EPHA6: variants seen among roughly 807,000 people sequenced by gnomAD.
EPHA6 encodes ephrin type-A receptor 6.
In EPHA6, 50 loss-of-function variants were observed where a neutral mutation model predicts 112.0. The ratio of observed to expected loss-of-function variants is 0.45; its 90% CI spans 0.36 to 0.56. The LOEUF is 0.56. EPHA6 is among the 20% of genes least tolerant of loss of function. The pLI, the probability that EPHA6 is intolerant of heterozygous loss-of-function variation, is 0.00. For missense variants in EPHA6, 1,280 were observed against 1,417.4 expected (o/e 0.90, Z 1.56); for synonymous variants, 529 against 490.7 (o/e 1.08, Z -1.03).
intron 5 of EPHA6, among the ~76,000 whole-genome samples, chr3:97,403,037 A>T (rs1357456279): frequency 6.6e-6 from 1 of 152,106 alleles, no homozygotes; most frequent in African/African-American, 2.4e-5. Context: ...TAATGAGTTT[A>T]TAATGTAACT....
intron 14 of EPHA6, among the ~76,000 whole-genome samples, chr3:97,718,387 G>T (rs1276318148): frequency 2.0e-5 from 3 of 151,890 alleles, no homozygotes; most frequent in African/African-American, 7.3e-5. Context: ...TTTGGATTAG[G>T]GTAGATAGAT....
chr3:97,096,252 CACACATACACACACAT>C, intron 3 of EPHA6, among the ~76,000 whole-genome samples: 1 of 146,192 alleles, frequency 6.8e-6, no homozygotes, highest in South Asian at 2.1e-4. Context: ...TATACACACA[CACACATACACACACAT>C]ACACACCCAC....
At chr3:97,583,890 G>A (rs2093464507) in intron 11 of EPHA6, among the ~76,000 whole-genome samples, 2 of 152,116 alleles carry the variant, frequency 1.3e-5, no homozygotes, top group South Asian at 2.1e-4. Flanking sequence ...TAGCCTGTAC[G>A]GTGGCTAATT....
intron 10 of EPHA6, among the ~76,000 whole-genome samples, chr3:97,491,244 A>G (rs1356368839): frequency 6.6e-6 from 1 of 152,218 alleles, no homozygotes; most frequent in Non-Finnish European, 1.5e-5. Context: ...AAGTTTGCCT[A>G]CTACAAATAG....
chr3:96,973,759 G>A (rs1345245297), intron 2 of EPHA6, among the ~76,000 whole-genome samples: 1 of 149,330 alleles, frequency 6.7e-6, no homozygotes, highest in Non-Finnish European at 1.5e-5. Flanking sequence ...CCGGGCGTGG[G>A]GGCTGCAGTG....
At chr3:97,418,930 G>T (rs1035455091) in intron 6 of EPHA6, among the ~76,000 whole-genome samples, 1 of 152,224 alleles carries the variant, frequency 6.6e-6, no homozygotes, top group South Asian at 2.1e-4. Context: ...GTATATGCAG[G>T]TAATAAATGA....
At chr3:96,842,856 A>G (rs748620554) in intron 1 of EPHA6, among the ~76,000 whole-genome samples, 4 of 152,018 alleles carry the variant, frequency 2.6e-5, no homozygotes, top group Non-Finnish European at 5.9e-5. Flanking sequence ...GATAGAAGGT[A>G]TTTTGGTTTG....
At chr3:96,890,297 C>T (rs985249208) in intron 2 of EPHA6, among the ~76,000 whole-genome samples, 6 of 152,038 alleles carry the variant, frequency 3.9e-5, no homozygotes, top group African/African-American at 1.4e-4. Context: ...ATTTAAAGAA[C>T]TCCCACAAAC....
intron 3 of EPHA6, among the ~76,000 whole-genome samples, chr3:97,033,039 C>T (rs1392698792): frequency 6.6e-6 from 1 of 151,100 alleles, no homozygotes; most frequent in Non-Finnish European, 1.5e-5. Flanking sequence ...CAATATGAAA[C>T]CTTCCCAAAT....
chr3:96,921,860 G>A (rs746767879), intron 2 of EPHA6, among the ~76,000 whole-genome samples: 6 of 151,998 alleles, frequency 3.9e-5, no homozygotes, highest in Admixed American at 1.3e-4. Flanking sequence ...GAGCCACTGC[G>A]CCCAGCCTAA....
intron 5 of EPHA6, among the ~76,000 whole-genome samples, chr3:97,391,685 A>G (rs1373048558): frequency 6.6e-6 from 1 of 151,940 alleles, no homozygotes; most frequent in Admixed American, 6.6e-5. Context: ...TAGAGAGTAA[A>G]TGTTCTAGGA....
In EPHA6 at chr3:97,307,609, C is replaced by CT. The variant is rs2081373034; in HGVS notation, c.1606+63322_1606+63323insT. Among the ~76,000 whole-genome samples the CT allele has an allele frequency of 1.4e-4, 20 of 142,374 alleles. No individual in the cohort carries two copies. The Admixed American group carries it at 1.5e-3, about 10-fold the overall frequency. 93.4% of individuals were successfully genotyped at this position (142,374 alleles called of 152,430 possible). ...CTAGTTTTGTCTTTACATTTTGTTG[C>CT]CTTTTTTTTTTTCTTTAAAGGTGAT... is the stretch of plus-strand genomic sequence containing the variant. On this transcript the variant is annotated intron_variant, in intron 5 of 17. Coordinates refer to ENST00000389672, the MANE Select transcript of EPHA6 (RefSeq NM_001080448.3).
chr3:97,042,517 A>G (rs368155065), intron 3 of EPHA6, among the ~76,000 whole-genome samples: 1 of 152,120 alleles, frequency 6.6e-6, no homozygotes, highest in African/African-American at 2.4e-5. Context: ...ATCTCAGCCC[A>G]AATTATTGAA....
chr3:97,460,066 T>C (rs548627826), intron 7 of EPHA6, among the ~76,000 whole-genome samples: 39 of 152,316 alleles, frequency 2.6e-4, no homozygotes, highest in African/African-American at 8.9e-4. Context: ...GGTGATATGT[T>C]AGCAAAGGAA....
intron 11 of EPHA6, among the ~76,000 whole-genome samples, chr3:97,540,558 C>T (rs1253667904): frequency 6.6e-6 from 1 of 152,148 alleles, no homozygotes; most frequent in Non-Finnish European, 1.5e-5. Flanking sequence ...TCATTCAAAT[C>T]ACCTCCCTAG....
intron 2 of EPHA6, among the ~76,000 whole-genome samples, chr3:96,927,842 A>C (rs2040116969): frequency 1.3e-5 from 2 of 152,200 alleles, no homozygotes; most frequent in Admixed American, 1.3e-4. Flanking sequence ...CACTGCTATA[A>C]AGATACTACC....
intron 13 of EPHA6, among the ~76,000 whole-genome samples, chr3:97,615,187 G>A (rs2093754985): frequency 6.6e-6 from 1 of 152,114 alleles, no homozygotes; most frequent in Non-Finnish European, 1.5e-5. Context: ...GAAGCAGTTA[G>A]TGAATGTGTG....
chr3:96,868,594 T>A (rs548393213), intron 2 of EPHA6, among the ~76,000 whole-genome samples: 19 of 152,118 alleles, frequency 1.2e-4, no homozygotes, highest in African/African-American at 3.8e-4. Flanking sequence ...CTCATTTGAT[T>A]GACCATTTTA....
intron 5 of EPHA6, among the ~76,000 whole-genome samples, chr3:97,334,475 C>CTT (rs2082958134): frequency 7.3e-6 from 1 of 136,836 alleles, no homozygotes; most frequent in African/African-American, 2.9e-5. Flanking sequence ...CTTTTTTTTT[C>CTT]TTCTTTTTTT....
Sources: allele counts gnomAD v4.1 joint callset (sites outside exome capture counted in the v4.1 genomes callset), GRCh38; gene constraint gnomAD v4.1.1; transcripts MANE v1.5; gene names NCBI Gene and HGNC (gene_info 2026-07-23, HGNC 2026-07-21).